The following MOCOS variants were observed in gnomAD, a reference collection of about 807,000 sequenced individuals.
The protein encoded by MOCOS is molybdenum cofactor sulfurase.
In MOCOS, 86 loss-of-function variants were observed where a neutral mutation model predicts 83.6. That is an observed-to-expected ratio of 1.03 (90% CI 0.86 to 1.23). The LOEUF (loss-of-function observed/expected upper bound fraction) is 1.23, where lower values mean the gene tolerates loss of function less well. Among genes scored for constraint, MOCOS ranks in the 50% most tolerant of loss-of-function variants. The pLI, the probability that MOCOS is intolerant of heterozygous loss-of-function variation, is 0.00. For missense variants in MOCOS, 1,120 were observed against 1,126.9 expected (o/e 0.99, Z 0.09); for synonymous variants, 445 against 434.7 (o/e 1.02, Z -0.29).
intron 6 of MOCOS, among the ~76,000 whole-genome samples, chr18:36,208,228 T>C (rs1265546547): frequency 6.6e-6 from 1 of 152,238 alleles, no homozygotes; most frequent in Non-Finnish European, 1.5e-5. Flanking sequence ...TCATGTAGTG[T>C]GATGCCTTCA....
chr18:36,228,181 A>C (rs966626103), intron 9 of MOCOS, among the ~76,000 whole-genome samples: 1 of 152,214 alleles, frequency 6.6e-6, no homozygotes, highest in African/African-American at 2.4e-5. Context: ...AAAAAATAAC[A>C]GTTGCTGATG....
Position 36,215,896 on chromosome 18 carries a change from AGGAGTCCTG to A in MOCOS, c.1718_1726del (p.Gly573_Leu575del). 1 of 1,614,086 alleles carries A rather than the reference AGGAGTCCTG, an allele frequency of 6.2e-7. No individual in the cohort carries two copies. The highest frequency in any genetic ancestry group is 8.5e-7 in the Non-Finnish European group (1 of 1,179,934). On this transcript the variant is annotated inframe_deletion, in exon 8 of 15. Transcript: ENST00000261326. Reference sequence around the variant, plus strand: ...AGCCGACTCCTTCAGAGAAAGCTGCAGGAGTCCTGGAGGGGGCCCTTGGGCCACATGTTG... The same window carrying A: ...AGCCGACTCCTTCAGAGAAAGCTGCAGAGGGGGCCCTTGGGCCACATGTTG...
chr18:36,252,674 T>C (rs2144142166), intron 11 of MOCOS, among the ~76,000 whole-genome samples: 1 of 152,264 alleles, frequency 6.6e-6, no homozygotes, highest in African/African-American at 2.4e-5. Flanking sequence ...CAGTGAGTTA[T>C]CATCACACCA....
At chr18:36,230,986 G>T (rs2091535563) in intron 9 of MOCOS, among the ~76,000 whole-genome samples, 1 of 152,192 alleles carries the variant, frequency 6.6e-6, no homozygotes, top group South Asian at 2.1e-4. Context: ...GAGGAATGGA[G>T]CACTGATGGA....
chr18:36,194,917 C>T (rs897311102), intron 1 of MOCOS, among the ~76,000 whole-genome samples: 42 of 152,328 alleles, frequency 2.8e-4, no homozygotes, highest in Admixed American at 1.3e-3. Flanking sequence ...CCTCCCAGAA[C>T]CTCCAGAATA....
chr18:36,198,446 T>C (rs532092126), intron 2 of MOCOS, among the ~76,000 whole-genome samples: 2 of 152,346 alleles, frequency 1.3e-5, no homozygotes, highest in South Asian at 4.1e-4. Flanking sequence ...TGTTCACCCA[T>C]TGATGGACAT....
chr18:36,249,115 C>T, intron 10 of MOCOS, 115 bp downstream of exon 10: 1 of 854,424 alleles, frequency 1.2e-6, no homozygotes, highest in South Asian at 1.4e-5. Context: ...CAGTTGCTGT[C>T]CATTTCTCCC....
intron 14 of MOCOS, among the ~76,000 whole-genome samples, chr18:36,267,492 A>T (rs1477384705): frequency 6.6e-6 from 1 of 152,210 alleles, no homozygotes; most frequent in Admixed American, 6.5e-5. Flanking sequence ...TTCCAATAAT[A>T]AGCTGGCAAG....
At position 36,266,833 on chromosome 18, in the gene MOCOS, T is replaced by C. The variant is rs745811304; in HGVS notation, c.2494T>C (p.Ser832Pro). 2 of 1,614,058 alleles carry C rather than the reference T, an allele frequency of 1.2e-6. No individual in the cohort carries two copies. The highest frequency in any genetic ancestry group is 1.7e-6 in the Non-Finnish European group (2 of 1,179,978). Residue 832 changes from serine to proline, a missense_variant, in exon 14 of 15, where the codon TCT (serine) becomes CCT (proline). Coordinates refer to ENST00000261326, the MANE Select transcript of MOCOS (RefSeq NM_017947.4). ...QRNQHVFQKL[S>P]ESRETKVNFG... ...AAACCAGCATGTTTTCCAAAAACTTTCTGAGAGTCGTGAAACAAAGGTAAG... is the reference window on the plus strand; with the variant it reads ...AAACCAGCATGTTTTCCAAAAACTTCCTGAGAGTCGTGAAACAAAGGTAAG...
chr18:36,208,300 A>G (rs774735841), intron 6 of MOCOS, among the ~76,000 whole-genome samples: 1 of 59,488 alleles, frequency 1.7e-5, no homozygotes, highest in Admixed American at 2.6e-4. Context: ...TTCCATATGA[A>G]TTTTAGAATA....
intron 13 of MOCOS, among the ~76,000 whole-genome samples, chr18:36,260,389 C>T (rs1192584897): frequency 2.6e-5 from 4 of 152,322 alleles, no homozygotes; most frequent in Middle Eastern, 3.4e-3. Context: ...CAGTCAGTTT[C>T]GCACACACCA....
chr18:36,252,143 G>GATGA lies in MOCOS; in HGVS notation c.2164+873_2164+876dup, dbSNP rs1263761255. Among the ~76,000 whole-genome samples, 3 of 152,116 alleles carry GATGA rather than the reference G, an allele frequency of 2.0e-5. No homozygotes were observed. In the East Asian group the frequency reaches 5.8e-4, roughly 29 times the overall value. On this transcript the variant is annotated intron_variant, in intron 11 of 14. Transcript: ENST00000261326. ...CACATAGTTGCTCAATACATGGCTA[G>GATGA]ATGAATGAATGAATGATTACCAGTT... is the stretch of plus-strand genomic sequence containing the variant.
At chr18:36,261,819 T>G (rs780295359) in intron 13 of MOCOS, among the ~76,000 whole-genome samples, 36 of 152,134 alleles carry the variant, frequency 2.4e-4, no homozygotes, top group Non-Finnish European at 3.4e-4. Context: ...CTCTGCCATG[T>G]TTTTTAAAAA....
rs770581364 is a variant in MOCOS at position 36,251,208 on chromosome 18, T to G, written c.2089T>G (p.Phe697Val). Residue 697 changes from phenylalanine to valine, a missense_variant, in exon 11 of 15, where the codon TTT becomes GTT. Phe to Val is a conservative substitution (Grantham distance 50). Transcript: ENST00000261326. ...AAAAATTTCAAGCTGGTTGTCAACA[T>G]TTTTTGGCCGTCCTTGTCATTTGAT... ...GEKISSWLST[F>V]FGRPCHLIKQ... The G allele has an allele frequency of 6.2e-7, 1 of 1,613,638 alleles. No individual in the cohort carries two copies. Among genetic ancestry groups the G allele is most frequent in the Non-Finnish European group, 8.5e-7 (1 of 1,179,534 alleles).
At chr18:36,256,755 C>T (rs1036545442) in intron 11 of MOCOS, 14 of 511,416 alleles carry the variant, frequency 2.7e-5, no homozygotes, top group Middle Eastern at 3.8e-4. Flanking sequence ...ATTTTCTCCA[C>T]GTTATTTTAA....
At chr18:36,205,396 C>A (rs2091431175) in intron 6 of MOCOS, 120 bp downstream of exon 6, 1 of 989,062 alleles carries the variant, frequency 1.0e-6, no homozygotes, top group East Asian at 2.4e-5. Flanking sequence ...CAGCCACATG[C>A]CTTTCCACCT....
At chr18:36,220,656 G>A (rs1039507703) in intron 9 of MOCOS, among the ~76,000 whole-genome samples, 2 of 152,164 alleles carry the variant, frequency 1.3e-5, no homozygotes, top group East Asian at 1.9e-4. Flanking sequence ...GGCCAGGTGC[G>A]GTGGCTCACG....
chr18:36,254,410 C>A (rs2091633263), intron 11 of MOCOS, among the ~76,000 whole-genome samples: 1 of 149,158 alleles, frequency 6.7e-6, no homozygotes, highest in South Asian at 2.1e-4. Context: ...TTTTTTTAAA[C>A]CACAACAATT....
At position 36,203,087 on chromosome 18, in the gene MOCOS, C is replaced by G. The variant is rs1253398265; in HGVS notation, c.942-26C>G. The G allele has an allele frequency of 1.9e-6, 3 of 1,605,132 alleles. No individual in the cohort carries two copies. In the Admixed American group the frequency reaches 5.0e-5, roughly 27 times the overall value. ...TGGATTGTTTTGACCACAGCTTGAC[C>G]TGTTCTCCTTACCCCGTGGTTATAG... On this transcript the variant is annotated intron_variant, in intron 4 of 14. Coordinates refer to ENST00000261326, the MANE Select transcript of MOCOS (RefSeq NM_017947.4).
Sources: allele counts gnomAD v4.1 joint callset (sites outside exome capture counted in the v4.1 genomes callset), GRCh38; gene constraint gnomAD v4.1.1; transcripts MANE v1.5; gene names NCBI Gene and HGNC (gene_info 2026-07-23, HGNC 2026-07-21).